Variants in DLG2 observed in about 807,000 individuals in gnomAD.
The protein encoded by DLG2 is disks large homolog 2.
DLG2 carries 45 observed loss-of-function variants against 132.5 expected under a neutral mutation model. The observed-to-expected ratio is 0.34, with a 90% CI of 0.27 to 0.44. The LOEUF (loss-of-function observed/expected upper bound fraction) is 0.44. Ranked by LOEUF, DLG2 falls within the 20% of genes least tolerant of loss-of-function variation. DLG2 has a pLI of 1.00. For missense variants in DLG2, 1,045 were observed against 1,196.9 expected (o/e 0.87, Z 1.87); for synonymous variants, 424 against 419.6 (o/e 1.01, Z -0.13).
chr11:84,578,969 T>C (rs1449735908), intron 6 of DLG2, among the ~76,000 whole-genome samples: 1 of 152,170 alleles, frequency 6.6e-6, no homozygotes, highest in Non-Finnish European at 1.5e-5. Context: ...ATAAGTCTCA[T>C]GAAATCTGAT....
At chr11:83,655,968 A>G (rs1327968156) in intron 18 of DLG2, among the ~76,000 whole-genome samples, 3 of 152,266 alleles carry the variant, frequency 2.0e-5, no homozygotes, top group Non-Finnish European at 2.9e-5. Flanking sequence ...TAAACAGTGC[A>G]GTAGGAATTC....
At chr11:85,384,046 C>T (rs2086122492) in intron 3 of DLG2, among the ~76,000 whole-genome samples, 1 of 152,138 alleles carries the variant, frequency 6.6e-6, no homozygotes, top group Non-Finnish European at 1.5e-5. Flanking sequence ...AGTTAATACT[C>T]CTTTATATCT....
intron 3 of DLG2, among the ~76,000 whole-genome samples, chr11:85,493,823 G>A (rs575732288): frequency 2.4e-4 from 35 of 148,482 alleles, no homozygotes; most frequent in Non-Finnish European, 4.8e-4. Context: ...AGGAAGGAAG[G>A]GAGGGAAGAG....
chr11:85,186,998 C>A (rs1467099760), intron 4 of DLG2, among the ~76,000 whole-genome samples: 1 of 151,880 alleles, frequency 6.6e-6, no homozygotes, highest in Non-Finnish European at 1.5e-5. Flanking sequence ...TATATTAAAG[C>A]CCTGGATGTG....
chr11:84,322,114 T>C (rs779654639), intron 7 of DLG2, among the ~76,000 whole-genome samples: 1 of 152,210 alleles, frequency 6.6e-6, no homozygotes, highest in Admixed American at 6.5e-5. Context: ...TTAACCCTAA[T>C]TGAAATAAAT....
At chr11:85,149,573 G>A (rs1425621100) in intron 5 of DLG2, among the ~76,000 whole-genome samples, 1 of 152,082 alleles carries the variant, frequency 6.6e-6, no homozygotes, top group East Asian at 1.9e-4. Flanking sequence ...AAACTTCAAT[G>A]TTTGGTCCTA....
intron 3 of DLG2, among the ~76,000 whole-genome samples, chr11:85,288,695 A>T (rs1041124623): frequency 6.6e-6 from 1 of 152,062 alleles, no homozygotes; most frequent in African/African-American, 2.4e-5. Flanking sequence ...GAAAAGAAAA[A>T]AAAGAATTTC....
At chr11:84,140,304 T>G (rs1167330326) in intron 9 of DLG2, among the ~76,000 whole-genome samples, 1 of 152,080 alleles carries the variant, frequency 6.6e-6, no homozygotes, top group African/African-American at 2.4e-5. Context: ...CAGGGCACTT[T>G]GGAGAATAAA....
chr11:83,904,951 G>A (rs1235669513), intron 15 of DLG2, among the ~76,000 whole-genome samples: 3 of 152,138 alleles, frequency 2.0e-5, no homozygotes, highest in African/African-American at 7.2e-5. Context: ...CCAGTACAGT[G>A]TAGGAGGCTT....
intron 6 of DLG2, among the ~76,000 whole-genome samples, chr11:84,793,702 T>C (rs929731631): frequency 1.6e-4 from 25 of 152,258 alleles, no homozygotes; most frequent in African/African-American, 6.0e-4. Context: ...GTCTATTTTG[T>C]CTGATATTAG....
intron 17 of DLG2, among the ~76,000 whole-genome samples, chr11:83,831,690 C>T (rs986472708): frequency 1.5e-4 from 23 of 152,154 alleles, no homozygotes; most frequent in African/African-American, 5.3e-4. Flanking sequence ...ATGAAAACCA[C>T]AAACTAAGTG....
chr11:84,734,245 T>C (rs1044432700), intron 6 of DLG2, among the ~76,000 whole-genome samples: 1 of 152,172 alleles, frequency 6.6e-6, no homozygotes, highest in Non-Finnish European at 1.5e-5. Context: ...GCCGTTTTCA[T>C]GATATTGATT....
At chr11:83,669,274 T>C (rs2076413105) in intron 18 of DLG2, among the ~76,000 whole-genome samples, 1 of 152,184 alleles carries the variant, frequency 6.6e-6, no homozygotes, top group Admixed American at 6.5e-5. Flanking sequence ...TTCGCACCTC[T>C]AGCAATAACT....
At chr11:84,763,012 A>G (rs2067859285) in intron 6 of DLG2, among the ~76,000 whole-genome samples, 2 of 152,174 alleles carry the variant, frequency 1.3e-5, no homozygotes, top group Non-Finnish European at 2.9e-5. Context: ...GCCCTCATAG[A>G]CATGCCATTC....
intron 18 of DLG2, among the ~76,000 whole-genome samples, chr11:83,683,798 A>C (rs555961153): frequency 6.6e-6 from 1 of 152,160 alleles, no homozygotes; most frequent in South Asian, 2.1e-4. Context: ...TGTGCTAAGG[A>C]GTCTTCTAAC....
chr11:85,580,658 C>G (rs1204147090), intron 3 of DLG2, among the ~76,000 whole-genome samples: 1 of 152,174 alleles, frequency 6.6e-6, no homozygotes, highest in Non-Finnish European at 1.5e-5. Flanking sequence ...CATGGAATGG[C>G]TATAAAACTT....
intron 11 of DLG2, among the ~76,000 whole-genome samples, chr11:84,011,829 G>A (rs1308954665): frequency 6.6e-6 from 1 of 152,026 alleles, no homozygotes; most frequent in Non-Finnish European, 1.5e-5. Context: ...ACCCTTTAGT[G>A]CTAATGTTTT....
chr11:83,777,778 G>A (rs2094643864), intron 18 of DLG2, among the ~76,000 whole-genome samples: 1 of 152,120 alleles, frequency 6.6e-6, no homozygotes, highest in South Asian at 2.1e-4. Flanking sequence ...ATTTCTGTGT[G>A]TTTAAAATGT....
At chr11:85,591,881 G>A (rs529648295) in intron 3 of DLG2, among the ~76,000 whole-genome samples, 4 of 152,314 alleles carry the variant, frequency 2.6e-5, no homozygotes, top group East Asian at 1.9e-4. Context: ...GTATCATAGC[G>A]TTTGGCAAAG....
Sources: gnomAD v4.1 joint callset for allele counts (sites outside exome capture counted in the v4.1 genomes callset) on GRCh38, gnomAD v4.1.1 for gene constraint, MANE v1.5 for transcripts, NCBI Gene and HGNC (gene_info 2026-07-23, HGNC 2026-07-21) for gene names.